Variants in UBE3B observed in about 807,000 individuals in gnomAD.
The protein encoded by UBE3B is ubiquitin-protein ligase E3B.
Under a neutral mutation model 132.3 loss-of-function variants are expected in UBE3B, and 80 were observed. That is an observed-to-expected ratio of 0.60 (90% CI 0.50 to 0.73). The LOEUF is 0.73. UBE3B is among the 30% of genes least tolerant of loss of function. UBE3B has a pLI of 0.00. For missense variants in UBE3B, 1,196 were observed against 1,362.5 expected (o/e 0.88, Z 1.92); for synonymous variants, 487 against 520.4 (o/e 0.94, Z 0.87).
intron 14 of UBE3B, among the ~76,000 whole-genome samples, chr12:109,506,698 A>G (rs1024828743): frequency 3.9e-5 from 6 of 152,230 alleles, no homozygotes; most frequent in South Asian, 2.1e-4. Flanking sequence ...TTTGTGCTGT[A>G]GTGGTAGCAC....
chr12:109,481,406 T>TG lies in UBE3B; in HGVS notation c.-127-231_-127-230insG. 1.3e-5 allele frequency among the ~76,000 whole-genome samples: 2 copies of TG among 152,206 alleles called. 1 individual carries two copies. Among genetic ancestry groups the TG allele is most frequent in the South Asian group, 4.1e-4 (2 of 4,830 alleles). On this transcript the variant is annotated intron_variant, in intron 1 of 27. Transcript: ENST00000342494. The stretch of plus-strand genomic sequence containing the variant: ...GTTATTTTGCTTCCCATCACAGCTG[T>TG]AATTCAACAACAACTTTGGGATTTA...
downstream of UBE3B, among the ~76,000 whole-genome samples, chr12:109,539,686 T>C (rs1033074297): frequency 5.3e-5 from 8 of 152,182 alleles, no homozygotes; most frequent in African/African-American, 1.9e-4. Context: ...AGGGATCGAA[T>C]TGACATTCCT....
intron 24 of UBE3B, among the ~76,000 whole-genome samples, chr12:109,528,062 C>T (rs1411329045): frequency 6.6e-6 from 1 of 152,144 alleles, no homozygotes; most frequent in Non-Finnish European, 1.5e-5. Context: ...GAGGGAGAGT[C>T]CTGTCCTGCT....
At position 109,507,720 on chromosome 12, in the gene UBE3B, C is replaced by T. The variant is rs369445751; in HGVS notation, c.1607C>T (p.Ser536Leu). The T allele has an allele frequency of 2.0e-5, 32 of 1,612,976 alleles. No homozygotes were observed. Among genetic ancestry groups the T allele is most frequent in the South Asian group, 2.2e-5 (2 of 90,854 alleles). ...ATGCTGATGCTGTTCTGTGACTGTTCGCGGCACCTCATCACGTAGGTTGAC... is the reference window on the plus strand; with the variant it reads ...ATGCTGATGCTGTTCTGTGACTGTTTGCGGCACCTCATCACGTAGGTTGAC... ...LAMLMLFCDC[S>L]RHLITILDDI... The change falls in exon 15 of 28, where the codon TCG (serine) becomes TTG (leucine). Residue 536 changes from serine (S) to leucine (L), a missense_variant. Coordinates refer to ENST00000342494, the MANE Select transcript of UBE3B (RefSeq NM_130466.4).
Position 109,521,509 on chromosome 12 carries a change from C to G in UBE3B, c.2322C>G (p.Leu774=), listed in dbSNP as rs374804291. 6.6e-5 allele frequency: 106 copies of G among 1,601,432 alleles called. No homozygotes were observed. Among genetic ancestry groups the G allele is most frequent in the Non-Finnish European group, 9.0e-5 (105 of 1,171,568 alleles). The change falls in exon 21 of 28, where the codon CTC becomes CTG. Residue 774 remains leucine, a synonymous_variant. Transcript: ENST00000342494. The surrounding 1 kb of genome is among the most constrained non-coding windows in gnomAD (Gnocchi z 4.2). ...TSYIHENYLQ[L]FEFVGKMLGK... ...ACATCCATGAGAATTACCTGCAGCTCTTCGAGTTTGTGGGGAAGATGCTGG... is the reference window on the plus strand; with the variant it reads ...ACATCCATGAGAATTACCTGCAGCTGTTCGAGTTTGTGGGGAAGATGCTGG...
chr12:109,519,411 T>C (rs891060716), intron 19 of UBE3B: 3 of 152,304 alleles, frequency 2.0e-5, no homozygotes, highest in African/African-American at 7.2e-5. Context: ...CTCTAAACGT[T>C]TAAACAAAGA....
rs765326926 is a variant in UBE3B at position 109,521,151 on chromosome 12, G to A, written c.2080G>A (p.Gly694Ser). Residue 694 changes from glycine (G) to serine (S), a missense_variant, in exon 20 of 28, where the codon GGC becomes AGC. Coordinates refer to ENST00000342494, the MANE Select transcript of UBE3B (RefSeq NM_130466.4). The surrounding 1 kb of genome is among the most constrained non-coding windows in gnomAD (Gnocchi z 4.2). ...TIRRSRMLED[G>S]YEQLRQLSQH... Reference sequence around the variant, plus strand: ...GCTGTAATTCTGCTCTTGGCAGGACGGCTACGAGCAGCTTAGGCAGCTCTC... The same window carrying A: ...GCTGTAATTCTGCTCTTGGCAGGACAGCTACGAGCAGCTTAGGCAGCTCTC... The A allele has an allele frequency of 2.0e-5, 32 of 1,613,928 alleles. No homozygotes were observed. Among genetic ancestry groups the A allele is most frequent in the South Asian group, 6.6e-5 (6 of 91,068 alleles).
chr12:109,495,405 T>G (rs1034956538), intron 9 of UBE3B, among the ~76,000 whole-genome samples: 6 of 152,208 alleles, frequency 3.9e-5, no homozygotes, highest in African/African-American at 1.4e-4. Context: ...CTAATTCACA[T>G]CTCATACACT....
chr12:109,521,625 T>A lies in UBE3B; in HGVS notation c.2364+74T>A. The A allele has an allele frequency of 7.3e-7, 1 of 1,374,802 alleles. No individual in the cohort carries two copies. The highest frequency in any genetic ancestry group is 2.3e-5 in the East Asian group (1 of 42,992). The allele number at this position is 1,374,802 out of a possible 1,614,324, so 85.2% of individuals were successfully genotyped here. A position where few individuals can be genotyped will look rare whatever the true frequency, so the allele number is the denominator to read the frequency against. ...CCATGGGCTTCTTCACATACACATA[T>A]GTGATCAGGCTTGGCCATGTAAACT... On this transcript the variant is annotated intron_variant, in intron 21 of 27. Transcript: ENST00000342494. The surrounding 1 kb of genome is among the most constrained non-coding windows in gnomAD (Gnocchi z 4.2).
chr12:109,489,791 A>C (rs942334464), intron 7 of UBE3B, 128 bp from the exon 8 acceptor site: 8 of 820,300 alleles, frequency 9.8e-6, no homozygotes, highest in African/African-American at 5.1e-5. Context: ...GCCTAAGGGA[A>C]AAGGGAGGCA....
At chr12:109,484,016 CAT>C (rs775158527) in intron 4 of UBE3B, 35 bp downstream of exon 4, 1 of 1,573,626 alleles carries the variant, frequency 6.4e-7, no homozygotes, top group African/African-American at 1.4e-5. Context: ...ATAATACTTC[CAT>C]ATGTCAGATC....
intron 14 of UBE3B, among the ~76,000 whole-genome samples, chr12:109,504,926 C>T (rs1879477206): frequency 6.6e-6 from 1 of 152,022 alleles, no homozygotes; most frequent in Admixed American, 6.5e-5. Flanking sequence ...CTGCCTCAGC[C>T]TCCCGAGTAG....
rs768340824 is a variant in UBE3B, at chr12:109,534,640, G to A, written c.3065G>A (p.Arg1022His). The A allele has an allele frequency of 1.4e-5, 22 of 1,611,720 alleles. No individual in the cohort carries two copies. The highest frequency in any genetic ancestry group is 1.2e-4 in the African/African-American group (9 of 74,898). ...GTCCTCCGGGGCTTCTTCACCATCCGCAAGCGGGAGCCAGGCGGCCGCCTG... is the reference window on the plus strand; with the variant it reads ...GTCCTCCGGGGCTTCTTCACCATCCACAAGCGGGAGCCAGGCGGCCGCCTG... ...GSVLRGFFTI[R>H]KREPGGRLPT... is the part of the protein sequence containing the mutation. The change falls in exon 28 of 28, where the codon CGC (arginine) becomes CAC (histidine). Residue 1022 changes from arginine (R) to histidine (H), a missense_variant. Physicochemically the swap from Arg to His is conservative, Grantham distance 29. Coordinates refer to ENST00000342494, the MANE Select transcript of UBE3B (RefSeq NM_130466.4). This position sits in a 1 kb window ranked among gnomAD's most constrained non-coding sequence, Gnocchi z 5.2.
rs375635592 is a variant in UBE3B at position 109,510,437 on chromosome 12, C to T, written c.1835C>T (p.Pro612Leu). The change falls in exon 17 of 28, where the codon CCC (proline) becomes CTC (leucine). Residue 612 changes from proline (P) to leucine (L), a missense_variant. Transcript: ENST00000342494. ...YERDCRRRFT[P>L]EDHWLRKDLK... is the part of the protein sequence containing the mutation. The stretch of plus-strand genomic sequence containing the variant: ...CGGGACTGCCGGCGGCGCTTCACCC[C>T]CGAGGACCACTGGCTGCGAAAGTGA... 1.2e-6 allele frequency: 2 copies of T among 1,612,248 alleles called. No homozygotes were observed. Among genetic ancestry groups the T allele is most frequent in the Non-Finnish European group, 1.7e-6 (2 of 1,179,396 alleles).
At chr12:109,501,636 A>G in intron 13 of UBE3B, 102 bp downstream of exon 13, 1 of 1,402,048 alleles carries the variant, frequency 7.1e-7, no homozygotes, top group Non-Finnish European at 9.6e-7. Flanking sequence ...GGGATGCTCT[A>G]ACTTTGTTTT....
intron 24 of UBE3B, 69 bp downstream of exon 24, chr12:109,526,485 G>A: frequency 2.0e-6 from 3 of 1,482,228 alleles, no homozygotes; most frequent in Middle Eastern, 1.7e-4. Flanking sequence ...CTGCGCTTAT[G>A]TTGAGAATTT....
intron 19 of UBE3B, among the ~76,000 whole-genome samples, chr12:109,519,114 G>A (rs997205222): frequency 3.3e-5 from 5 of 152,166 alleles, no homozygotes; most frequent in African/African-American, 7.2e-5. Context: ...ATTCAGAACC[G>A]GAAGGATCCT....
rs935435969 is a variant in UBE3B at position 109,498,326 on chromosome 12, G to A, written c.913G>A (p.Glu305Lys). 1 of 1,614,084 alleles carries A rather than the reference G, an allele frequency of 6.2e-7. No homozygotes were observed. Among genetic ancestry groups the A allele is most frequent in the Non-Finnish European group, 8.5e-7 (1 of 1,179,966 alleles). Residue 305 changes from glutamate (E) to lysine (K), a missense_variant, in exon 11 of 28, where the codon GAA becomes AAA. Physicochemically the swap from Glu to Lys is moderately conservative, Grantham distance 56. Coordinates refer to ENST00000342494, the MANE Select transcript of UBE3B (RefSeq NM_130466.4). ...DRCRDVCESL[E>K]GCHTLCLMGN... is the part of the protein sequence containing the mutation. ...ATGCCGTGATGTATGTGAAAGTTTA[G>A]AAGGATGCCATACGCTTTGTCTAAT...
chr12:109,546,337 A>G, the UBE3B span, among the ~76,000 whole-genome samples: 2 of 152,214 alleles, frequency 1.3e-5, no homozygotes, highest in Non-Finnish European at 2.9e-5. Context: ...CCAAACCACC[A>G]TCAGAAGTGG....
Sources: allele counts gnomAD v4.1 joint callset (sites outside exome capture counted in the v4.1 genomes callset), GRCh38; gene constraint gnomAD v4.1.1; non-coding constraint Gnocchi (gnomAD v3.1); transcripts MANE v1.5; gene names NCBI Gene and HGNC (gene_info 2026-07-23, HGNC 2026-07-21).